Variants in PKN2 observed in about 807,000 individuals in gnomAD.
PKN2 encodes the protein protein kinase N2.
Under a neutral mutation model 119.1 loss-of-function variants are expected in PKN2, and 38 were observed. That is an observed-to-expected ratio of 0.32 (90% CI 0.25 to 0.42). PKN2 has a LOEUF of 0.42. Among genes scored for constraint, PKN2 ranks in the 10% least tolerant of loss-of-function variants. PKN2 has a pLI of 1.00. For synonymous variants in PKN2, 390 were observed against 384.9 expected, an observed-to-expected ratio of 1.01 and a Z score of -0.15; for missense variants, 850 against 1,165.1, an observed-to-expected ratio of 0.73 and a Z score of 3.94.
At chr1:88,728,894 CTTT>C (rs397844615) in intron 1 of PKN2, among the ~76,000 whole-genome samples, 5 of 130,252 alleles carry the variant, frequency 3.8e-5, no homozygotes, top group Admixed American at 7.7e-5. Context: ...ACATCCCCAT[CTTT>C]TTTTTTTTTT....
At chr1:88,828,700 T>C in intron 19 of PKN2, 77 bp downstream of exon 19, 1 of 1,207,890 alleles carries the variant, frequency 8.3e-7, no homozygotes, top group South Asian at 1.4e-5. Flanking sequence ...TAAAACCACC[T>C]AATACTGTCT....
At chr1:88,737,720 G>A (rs6675453) in intron 1 of PKN2, among the ~76,000 whole-genome samples, 1 of 152,070 alleles carries the variant, frequency 6.6e-6, no homozygotes, top group Non-Finnish European at 1.5e-5. Flanking sequence ...GGGGCATGGG[G>A]TTCTGCCTGG....
chr1:88,821,875 C>T (rs1672305891), intron 16 of PKN2, 66 bp from the exon 17 acceptor site: 2 of 1,234,838 alleles, frequency 1.6e-6, no homozygotes, highest in Admixed American at 2.9e-5. Flanking sequence ...GAAGTATAAA[C>T]ATATAAGCTG....
intron 8 of PKN2, among the ~76,000 whole-genome samples, chr1:88,797,058 G>A (rs1570645257): frequency 6.6e-6 from 1 of 152,132 alleles, no homozygotes; most frequent in Admixed American, 6.5e-5. Flanking sequence ...TCAGGGCCAG[G>A]CACAGTGGCT....
At chr1:88,762,611 T>C (rs1369634493) in intron 3 of PKN2, among the ~76,000 whole-genome samples, 3 of 152,212 alleles carry the variant, frequency 2.0e-5, no homozygotes, top group Non-Finnish European at 4.4e-5. Context: ...TGGTGCCTTA[T>C]TACATAGCAG....
chr1:88,710,598 T>C (rs1306516744), intron 1 of PKN2, among the ~76,000 whole-genome samples: 1 of 152,114 alleles, frequency 6.6e-6, no homozygotes, highest in Non-Finnish European at 1.5e-5. Flanking sequence ...AAAACCACAG[T>C]GAGATACCAT....
chr1:88,810,372 T>C (rs1671733497), intron 15 of PKN2, among the ~76,000 whole-genome samples: 1 of 152,126 alleles, frequency 6.6e-6, no homozygotes, highest in African/African-American at 2.4e-5. Context: ...TCTGCCCGCC[T>C]CAGCCTCCCA....
At chr1:88,684,765 C>A in intron 1 of PKN2, 137 bp downstream of exon 1, 1 of 695,310 alleles carries the variant, frequency 1.4e-6, no homozygotes, top group Non-Finnish European at 2.2e-6. Flanking sequence ...GGATGTCACT[C>A]GGGAAATGCT....
In PKN2 at chr1:88,770,368, G is replaced by A; in HGVS notation, c.521G>A (p.Gly174Asp). Residue 174 changes from glycine to aspartate, a missense_variant, in exon 4 of 22, where the codon GGT becomes GAT. Around this residue, in one of 9 missense-constraint regions of PKN2, gnomAD observed 350 missense variants for 511.1 expected, o/e 0.68. Transcript: ENST00000370521. ...NGSSKDRKLHGTAQQLLQDSK... is the reference protein window; with the variant it reads ...NGSSKDRKLHDTAQQLLQDSK... ...TTTTAATAGGATCGGAAACTCCATG[G>A]TACAGCTCAGCAACTGCTCCAGGAC... The A allele has an allele frequency of 1.2e-6, 2 of 1,609,100 alleles. No individual in the cohort carries two copies. The highest frequency in any genetic ancestry group is 1.7e-6 in the Non-Finnish European group (2 of 1,175,616).
Position 88,723,028 on chromosome 1 carries a change from C to T in PKN2, c.49-17960C>T, listed in dbSNP as rs116137501. On this transcript the variant is annotated intron_variant, in intron 1 of 21. Transcript: ENST00000370521. Reference sequence around the variant, plus strand: ...TGAGATCAAGGATCGCTTTCCACCTCGACCTGAAGGATAAGGAGTTAGCCA... The same window carrying T: ...TGAGATCAAGGATCGCTTTCCACCTTGACCTGAAGGATAAGGAGTTAGCCA... Among the ~76,000 whole-genome samples, 423 of 152,220 alleles carry T rather than the reference C, an allele frequency of 2.8e-3. 2 individuals carry two copies. Among genetic ancestry groups the T allele is most frequent in the African/African-American group, 9.1e-3 (377 of 41,548 alleles).
chr1:88,766,462 A>G (rs1669672818), intron 3 of PKN2, among the ~76,000 whole-genome samples: 1 of 152,230 alleles, frequency 6.6e-6, no homozygotes, highest in Non-Finnish European at 1.5e-5. Flanking sequence ...AATAAAAAAC[A>G]TAATTTGAAA....
intron 18 of PKN2, among the ~76,000 whole-genome samples, chr1:88,826,144 C>T (rs1672489771): frequency 6.6e-6 from 1 of 152,116 alleles, no homozygotes; most frequent in East Asian, 1.9e-4. Context: ...TATCCATTTC[C>T]CTCCAGTCTC....
intron 1 of PKN2, among the ~76,000 whole-genome samples, chr1:88,708,515 G>A (rs1667092730): frequency 6.6e-6 from 1 of 151,288 alleles, no homozygotes; most frequent in South Asian, 2.1e-4. Flanking sequence ...TGATTAAAAT[G>A]TAGTTTAGTT....
intron 3 of PKN2, among the ~76,000 whole-genome samples, chr1:88,761,301 A>C (rs1669430271): frequency 6.6e-6 from 1 of 152,026 alleles, no homozygotes; most frequent in Admixed American, 6.5e-5. Flanking sequence ...TGTACTTTCA[A>C]CTCATGTATT....
intron 1 of PKN2, among the ~76,000 whole-genome samples, chr1:88,697,605 A>G (rs1429171564): frequency 1.3e-5 from 2 of 152,092 alleles, no homozygotes; most frequent in African/African-American, 2.4e-5. Context: ...TAGATTCAGA[A>G]TTTGTCCTTA....
chr1:88,829,332 C>A (rs3767387), intron 19 of PKN2: 1 of 499,956 alleles, frequency 2.0e-6, no homozygotes, highest in East Asian at 3.6e-5. Context: ...TTCGCTACAC[C>A]AACAGCTCCA....
At chr1:88,740,703 G>A (rs978697245) in intron 1 of PKN2, among the ~76,000 whole-genome samples, 6 of 152,016 alleles carry the variant, frequency 3.9e-5, no homozygotes, top group East Asian at 1.9e-4. Flanking sequence ...ACCAAAATCC[G>A]CTATCTTTAC....
At chr1:88,761,307 G>T (rs928543123) in intron 3 of PKN2, among the ~76,000 whole-genome samples, 4 of 151,872 alleles carry the variant, frequency 2.6e-5, no homozygotes, top group African/African-American at 9.7e-5. Context: ...TTCAACTCAT[G>T]TATTTTAAAT....
intron 19 of PKN2, among the ~76,000 whole-genome samples, chr1:88,832,288 A>T (rs1313438608): frequency 1.3e-5 from 2 of 151,888 alleles, no homozygotes; most frequent in African/African-American, 2.4e-5. Context: ...TATTAACCTT[A>T]TCCATTTTCT....
Sources: gnomAD v4.1 joint callset for allele counts (sites outside exome capture counted in the v4.1 genomes callset) on GRCh38, gnomAD v4.1.1 for gene constraint, gnomAD v4.1.1 regional missense constraint, MANE v1.5 for transcripts, NCBI Gene and HGNC (gene_info 2026-07-23, HGNC 2026-07-21) for gene names.